The following RANBP2 variants were observed in gnomAD, a reference collection of about 807,000 sequenced individuals.
RANBP2 encodes RAN binding protein 2.
RANBP2 carries 57 observed loss-of-function variants against 303.6 expected under a neutral mutation model. That is an observed-to-expected ratio of 0.19 (90% confidence interval 0.15 to 0.23). RANBP2 has a LOEUF of 0.23. Among genes scored for constraint, RANBP2 ranks in the 10% least tolerant of loss-of-function variants. The pLI is 1.00. For missense variants in RANBP2, 3,138 were observed against 3,780.8 expected (o/e 0.83, Z 4.46); for synonymous variants, 1,167 against 1,301.5 (o/e 0.90, Z 2.23).
chr2:108,820,042 C>G, the RANBP2 span, among the ~76,000 whole-genome samples: 1 of 152,140 alleles, frequency 6.6e-6, no homozygotes, highest in African/African-American at 2.4e-5. Flanking sequence ...AATACAATAT[C>G]TGAACTATAA....
At chr2:109,473,245 C>A in the RANBP2 span, among the ~76,000 whole-genome samples, 18 of 152,334 alleles carry the variant, frequency 1.2e-4, no homozygotes, top group Admixed American at 6.5e-4. Context: ...CCCCATTCGA[C>A]GCCTGGGCAC....
At chr2:108,861,616 G>T in the RANBP2 span, among the ~76,000 whole-genome samples, 1 of 151,922 alleles carries the variant, frequency 6.6e-6, no homozygotes. Flanking sequence ...GAGTAGCTGG[G>T]ACTACAGGTG....
chr2:109,187,561 C>T, the RANBP2 span, among the ~76,000 whole-genome samples: 124,436 of 152,028 alleles, frequency 0.82, 51,042 homozygotes, highest in East Asian at 0.89. Flanking sequence ...CCTAAGGTGT[C>T]TAGTACAGTC....
rs1420541211 is a variant in RANBP2, at chr2:108,765,708, G to A, written c.5169G>A (p.Lys1723=). 12 of 1,613,548 alleles carry A rather than the reference G, an allele frequency of 7.4e-6. No individual in the cohort carries two copies. The highest frequency in any genetic ancestry group is 1.0e-5 in the Non-Finnish European group (12 of 1,179,926). The change falls in exon 20 of 29, where the codon AAG becomes AAA. Residue 1723 remains lysine, a synonymous_variant. Transcript: ENST00000283195. ...GCGGATTTGAGGGAATGTTCACTAA[G>A]AAGGAAGGACAGTGGGATTGCAGTG... ...PKSGFEGMFT[K]KEGQWDCSVC...
chr2:109,087,254 G>T, the RANBP2 span, among the ~76,000 whole-genome samples: 12 of 152,330 alleles, frequency 7.9e-5, 1 homozygote, highest in East Asian at 1.4e-3. Context: ...GCTGGTGTAT[G>T]CTGCAGACAC....
the RANBP2 span, among the ~76,000 whole-genome samples, chr2:109,152,639 C>T: frequency 0.031 from 4,659 of 152,236 alleles, 221 homozygotes; most frequent in African/African-American, 0.1. Flanking sequence ...TCTCTTTAAA[C>T]GGCATTATTT....
chr2:108,814,118 T>C, the RANBP2 span, among the ~76,000 whole-genome samples: 1 of 152,222 alleles, frequency 6.6e-6, no homozygotes, highest in Non-Finnish European at 1.5e-5. Context: ...GACTACAATT[T>C]CTGGGTCATA....
chr2:109,498,796 A>G, the RANBP2 span, among the ~76,000 whole-genome samples: 1 of 152,184 alleles, frequency 6.6e-6, no homozygotes, highest in African/African-American at 2.4e-5. Context: ...GGTTGGGTAA[A>G]CAGGTGAATG....
At chr2:108,727,745 G>A (rs1021610077) in intron 1 of RANBP2, among the ~76,000 whole-genome samples, 1 of 151,924 alleles carries the variant, frequency 6.6e-6, no homozygotes, top group Admixed American at 6.6e-5. Flanking sequence ...GGGGATTACA[G>A]GGGTGTGCCA....
At chr2:109,057,229 C>T in the RANBP2 span, among the ~76,000 whole-genome samples, 5 of 152,248 alleles carry the variant, frequency 3.3e-5, no homozygotes, top group South Asian at 2.1e-4. Flanking sequence ...CATAAATCCA[C>T]GGCTTTCATA....
chr2:109,520,616 A>G, the RANBP2 span, among the ~76,000 whole-genome samples: 29 of 93,544 alleles, frequency 3.1e-4, 1 homozygote, highest in Admixed American at 9.4e-4. Flanking sequence ...AAAAAAAAAA[A>G]AAAAAAAAGA....
chr2:108,864,654 C>T, the RANBP2 span, among the ~76,000 whole-genome samples: 2 of 151,916 alleles, frequency 1.3e-5, no homozygotes, highest in East Asian at 1.9e-4. Context: ...AAAAGCCAGG[C>T]GTGGTGGCCC....
the RANBP2 span, among the ~76,000 whole-genome samples, chr2:108,828,210 C>T: frequency 4.6e-5 from 7 of 151,514 alleles, no homozygotes; most frequent in East Asian, 1.4e-3. Flanking sequence ...CCATAGAAAA[C>T]CCAAAAATAT....
At chr2:109,607,781 A>G in the RANBP2 span, among the ~76,000 whole-genome samples, 1 of 151,970 alleles carries the variant, frequency 6.6e-6, no homozygotes, top group Non-Finnish European at 1.5e-5. Context: ...AAAACTACCT[A>G]CCTGTGTTCA....
chr2:109,274,041 C>T, the RANBP2 span, among the ~76,000 whole-genome samples: 1 of 152,162 alleles, frequency 6.6e-6, no homozygotes, highest in East Asian at 1.9e-4. Flanking sequence ...AATATTACCT[C>T]CTATGTGTGA....
At chr2:108,762,656 C>T (rs1456048425) in intron 19 of RANBP2, among the ~76,000 whole-genome samples, 3 of 134,342 alleles carry the variant, frequency 2.2e-5, no homozygotes, top group Non-Finnish European at 3.1e-5. Context: ...CCTCTCAATG[C>T]ATCAGTTGCC....
At chr2:109,354,429 A>G in the RANBP2 span, among the ~76,000 whole-genome samples, 4 of 152,252 alleles carry the variant, frequency 2.6e-5, no homozygotes, top group Non-Finnish European at 5.9e-5. Context: ...CCAGGAGAGC[A>G]GGGCTGTGGG....
At chr2:109,415,388 A>G in the RANBP2 span, among the ~76,000 whole-genome samples, 1 of 152,200 alleles carries the variant, frequency 6.6e-6, no homozygotes, top group Non-Finnish European at 1.5e-5. Flanking sequence ...GGTTGAAAGC[A>G]TTGTTCCAGG....
the RANBP2 span, among the ~76,000 whole-genome samples, chr2:109,523,984 C>T: frequency 1.3e-5 from 2 of 152,260 alleles, no homozygotes; most frequent in South Asian, 2.1e-4. Flanking sequence ...GCATCACAGC[C>T]GCCCACCTGC....
Sources: allele counts gnomAD v4.1 joint callset (sites outside exome capture counted in the v4.1 genomes callset), GRCh38; gene constraint gnomAD v4.1.1; transcripts MANE v1.5; gene names NCBI Gene and HGNC (gene_info 2026-07-23, HGNC 2026-07-21).